The following GRM1 variants were observed in gnomAD, a reference collection of about 807,000 sequenced individuals.
GRM1 encodes the protein metabotropic glutamate receptor 1.
Under a neutral mutation model 90.9 loss-of-function variants are expected in GRM1, and 33 were observed. The ratio of observed to expected loss-of-function variants is 0.36; its 90% CI spans 0.28 to 0.49. GRM1 has a LOEUF of 0.49. GRM1 is among the 20% of genes least tolerant of loss of function. The probability of loss-of-function intolerance (pLI) is 0.99; values close to 1 mark genes in which losing one functional copy is unlikely to be tolerated. For synonymous variants in GRM1, 700 were observed against 613.2 expected (o/e 1.14, Z -2.09); for missense variants, 1,190 against 1,534.3 (o/e 0.78, Z 3.75).
chr6:146,137,120 T>A (rs1401010185), intron 1 of GRM1, among the ~76,000 whole-genome samples: 7 of 152,148 alleles, frequency 4.6e-5, no homozygotes, highest in Non-Finnish European at 1.0e-4. Context: ...CCCAAAGTGC[T>A]GAGATTACAG....
intron 3 of GRM1, among the ~76,000 whole-genome samples, chr6:146,312,633 A>G (rs1783817723): frequency 6.6e-6 from 1 of 152,216 alleles, no homozygotes; most frequent in Non-Finnish European, 1.5e-5. Context: ...GAAAACTTCT[A>G]CTATTGCAGA....
chr6:146,162,704 A>G (rs12528475), intron 2 of GRM1, among the ~76,000 whole-genome samples: 3,690 of 152,270 alleles, frequency 0.024, 80 homozygotes, highest in Middle Eastern at 0.041. Context: ...ACTTGGAATG[A>G]GCTGCTGAGA....
At chr6:146,122,784 T>C (rs1776038450) in intron 1 of GRM1, among the ~76,000 whole-genome samples, 1 of 124,094 alleles carries the variant, frequency 8.1e-6, no homozygotes, top group Non-Finnish European at 1.9e-5. Flanking sequence ...GAATTCTATT[T>C]AGTTTAAAGT....
intron 2 of GRM1, among the ~76,000 whole-genome samples, chr6:146,256,950 G>A (rs1781501264): frequency 6.6e-6 from 1 of 152,076 alleles, no homozygotes; most frequent in Non-Finnish European, 1.5e-5. Flanking sequence ...GTTACTCCAT[G>A]CTCCAGATGA....
intron 2 of GRM1, among the ~76,000 whole-genome samples, chr6:146,179,842 T>G (rs1778479750): frequency 6.6e-6 from 1 of 152,152 alleles, no homozygotes; most frequent in South Asian, 2.1e-4. Flanking sequence ...AATTTTTTTT[T>G]GTTCTTTATT....
chr6:146,051,132 A>G lies in GRM1; in HGVS notation c.700+20915A>G, dbSNP rs117122931. Among the ~76,000 whole-genome samples the G allele has an allele frequency of 4.7e-3, 720 of 152,154 alleles. 18 individuals carry two copies. The East Asian group carries it at 0.072, about 15-fold the overall frequency. On this transcript the variant is annotated intron_variant, in intron 1 of 7. Coordinates refer to ENST00000282753, the MANE Select transcript of GRM1 (RefSeq NM_001278064.2). ...TCAGACACATCTGCTTTCTTACCCT[A>G]TCTTAGAGCCGTGTGACTTTAGGTG...
chr6:146,309,491 T>C (rs575175246), intron 3 of GRM1, among the ~76,000 whole-genome samples: 17 of 152,290 alleles, frequency 1.1e-4, no homozygotes, highest in African/African-American at 4.1e-4. Flanking sequence ...TGCATTCTTT[T>C]CATTTTATTT....
At chr6:146,314,292 T>C (rs1783884798) in intron 3 of GRM1, among the ~76,000 whole-genome samples, 1 of 151,838 alleles carries the variant, frequency 6.6e-6, no homozygotes, top group Admixed American at 6.6e-5. Context: ...GCTAGGCTGA[T>C]CTCGAACTCC....
At chr6:146,043,782 G>GATATATATATGTATATATATATAT (rs1554260491) in intron 1 of GRM1, among the ~76,000 whole-genome samples, 2 of 89,986 alleles carry the variant, frequency 2.2e-5, no homozygotes, top group South Asian at 8.5e-4. Context: ...AGAGTCAGGT[G>GATATATATATGTATATATATATAT]ATATATATAT....
chr6:146,084,190 C>T (rs542623148), intron 1 of GRM1, among the ~76,000 whole-genome samples: 2 of 152,082 alleles, frequency 1.3e-5, no homozygotes, highest in African/African-American at 4.8e-5. Flanking sequence ...AAACCAGCTC[C>T]TGGATTCATT....
At chr6:146,279,787 A>G (rs982180289) in intron 2 of GRM1, among the ~76,000 whole-genome samples, 12 of 152,186 alleles carry the variant, frequency 7.9e-5, no homozygotes, top group African/African-American at 2.2e-4. Flanking sequence ...GACTATAGAA[A>G]TGTAGGTTGA....
intron 2 of GRM1, chr6:146,159,993 G>GA (rs796131829): frequency 0.052 from 7,229 of 139,948 alleles, 513 homozygotes; most frequent in African/African-American, 0.17. Context: ...TACTTTTTCA[G>GA]AAAAAAAAAA....
intron 3 of GRM1, among the ~76,000 whole-genome samples, chr6:146,309,766 G>T (rs915367703): frequency 1.3e-5 from 2 of 151,686 alleles, no homozygotes; most frequent in Non-Finnish European, 2.9e-5. Context: ...ACTGTTTTGG[G>T]ATTGTTCCTT....
intron 4 of GRM1, among the ~76,000 whole-genome samples, chr6:146,357,065 C>G (rs1257019789): frequency 6.6e-6 from 1 of 152,168 alleles, no homozygotes; most frequent in African/African-American, 2.4e-5. Flanking sequence ...ATTTCTTGCT[C>G]TATTAGCACC....
chr6:146,312,186 A>C (rs1207388209), intron 3 of GRM1, among the ~76,000 whole-genome samples: 3 of 151,584 alleles, frequency 2.0e-5, no homozygotes, highest in Non-Finnish European at 2.9e-5. Flanking sequence ...CTAAAAACAC[A>C]AAAAATTAGC....
chr6:146,238,695 A>C (rs1780740814), intron 2 of GRM1, among the ~76,000 whole-genome samples: 1 of 152,060 alleles, frequency 6.6e-6, no homozygotes, highest in Non-Finnish European at 1.5e-5. Context: ...ATGACTGCCA[A>C]ATCCCTTTTC....
intron 2 of GRM1, among the ~76,000 whole-genome samples, chr6:146,294,670 G>C (rs1783114163): frequency 6.6e-6 from 1 of 152,080 alleles, no homozygotes; most frequent in African/African-American, 2.4e-5. Context: ...AGATTACAAA[G>C]AGAGAGATTC....
intron 1 of GRM1, among the ~76,000 whole-genome samples, chr6:146,085,556 T>C (rs373750926): frequency 3.3e-5 from 5 of 152,142 alleles, no homozygotes; most frequent in East Asian, 1.9e-4. Flanking sequence ...CTTTGTTAAA[T>C]ATAAGTGACA....
intron 1 of GRM1, among the ~76,000 whole-genome samples, chr6:146,144,921 G>A (rs1456015701): frequency 2.0e-5 from 3 of 152,202 alleles, no homozygotes; most frequent in Non-Finnish European, 4.4e-5. Context: ...GAAGAAAAAA[G>A]TATAGGAAAC....
Sources: allele counts gnomAD v4.1 joint callset (sites outside exome capture counted in the v4.1 genomes callset), GRCh38; gene constraint gnomAD v4.1.1; transcripts MANE v1.5; gene names NCBI Gene and HGNC (gene_info 2026-07-23, HGNC 2026-07-21).